Variants in SCGN observed in about 807,000 individuals in gnomAD.
The protein encoded by SCGN is secretagogin.
SCGN carries 30 observed loss-of-function variants against 39.7 expected under a neutral mutation model. That is an observed-to-expected ratio of 0.76 (90% CI 0.57 to 1.03). The LOEUF is 1.03. SCGN is among the 50% of genes least tolerant of loss of function. The probability of loss-of-function intolerance (pLI) is 0.00; values close to 1 mark genes in which losing one functional copy is unlikely to be tolerated. For missense variants in SCGN, 353 were observed against 349.4 expected, an observed-to-expected ratio of 1.01 and a Z score of -0.08; for synonymous variants, 106 against 114.1, an observed-to-expected ratio of 0.93 and a Z score of 0.45.
At position 25,669,555 on chromosome 6, in the gene SCGN, T is replaced by C. The variant is rs149172182; in HGVS notation, c.381T>C (p.Ala127=). The change falls in exon 5 of 11, where the codon GCT becomes GCC. Residue 127 remains alanine (A), a synonymous_variant. Coordinates refer to ENST00000377961, the MANE Select transcript of SCGN (RefSeq NM_006998.4). The part of the protein sequence containing the change: ...YDADSSGFIS[A]AELRNFLRDL... The stretch of plus-strand genomic sequence containing the variant: ...CTGACAGCAGTGGCTTTATATCAGC[T>C]GCTGAGCTCCGCGTGAGTGTCACTG... The C allele has an allele frequency of 4.2e-3, 6,830 of 1,613,430 alleles. 29 individuals are homozygous for C. The highest frequency in any genetic ancestry group is 0.014 in the Middle Eastern group (85 of 6,056).
Position 25,652,357 on chromosome 6 carries a change from T to C in SCGN, c.-47T>C. The C allele has an allele frequency of 1.3e-6, 2 of 1,492,298 alleles. No individual in the cohort carries two copies. The highest frequency in any genetic ancestry group is 1.9e-6 in the Non-Finnish European group (2 of 1,069,936). 92.4% of individuals were successfully genotyped at this position (1,492,298 alleles called of 1,614,324 possible). A position where few individuals can be genotyped will look rare whatever the true frequency, so the allele number is the denominator to read the frequency against. Reference sequence around the variant, plus strand: ...TACGGTGAAGGAGTCCTTCCCAAAGTTGTCTAGGTCCTTCCGCGCCGGTGC... The same window carrying C: ...TACGGTGAAGGAGTCCTTCCCAAAGCTGTCTAGGTCCTTCCGCGCCGGTGC... On this transcript the variant is annotated 5_prime_UTR_variant, in exon 1 of 11. Coordinates refer to ENST00000377961, the MANE Select transcript of SCGN (RefSeq NM_006998.4).
intron 2 of SCGN, among the ~76,000 whole-genome samples, chr6:25,659,251 C>T (rs993507334): frequency 6.6e-6 from 1 of 152,162 alleles, no homozygotes; most frequent in African/African-American, 2.4e-5. Context: ...TGCCAGAACC[C>T]ATCCTGAAAA....
At chr6:25,687,993 TCTC>T in intron 7 of SCGN, among the ~76,000 whole-genome samples, 1 of 152,226 alleles carries the variant, frequency 6.6e-6, no homozygotes. Flanking sequence ...CAAATGCCTT[TCTC>T]CTCCTTTCTG....
intron 7 of SCGN, 86 bp downstream of exon 7, chr6:25,682,092 G>T: frequency 2.0e-6 from 2 of 1,002,178 alleles, no homozygotes; most frequent in Non-Finnish European, 3.1e-6. Flanking sequence ...TGAGACTGGA[G>T]ATCAAGCCTC....
chr6:25,666,534 A>G (rs1218868984), intron 4 of SCGN, among the ~76,000 whole-genome samples: 1 of 152,248 alleles, frequency 6.6e-6, no homozygotes, highest in Non-Finnish European at 1.5e-5. Context: ...TATTCATATA[A>G]TTCATTCATT....
rs199980701 is a variant in SCGN at position 25,657,699 on chromosome 6, ATG to A, written c.154-3842_154-3841del. 7.1e-3 allele frequency among the ~76,000 whole-genome samples: 1,062 copies of A among 148,670 alleles called. 11 individuals are homozygous for A. The highest frequency in any genetic ancestry group is 0.024 in the African/African-American group (973 of 40,726). On this transcript the variant is annotated intron_variant, in intron 2 of 10. Coordinates refer to ENST00000377961, the MANE Select transcript of SCGN (RefSeq NM_006998.4). ...ATATTACGTGTATATATATATGTGTATGTGTGTGTGTGCATATATATATGATT... is the reference window on the plus strand; with the variant it reads ...ATATTACGTGTATATATATATGTGTATGTGTGTGTGCATATATATATGATT...
intron 6 of SCGN, 85 bp from the exon 7 acceptor site, chr6:25,681,866 A>G: frequency 8.6e-7 from 1 of 1,166,874 alleles, no homozygotes. Context: ...ATATGTAATC[A>G]GAAGAGCAAA....
chr6:25,673,376 A>G (rs540089207), intron 6 of SCGN, among the ~76,000 whole-genome samples: 1 of 152,346 alleles, frequency 6.6e-6, no homozygotes, highest in South Asian at 2.1e-4. Context: ...AAGATGATGC[A>G]CATCACACAT....
In SCGN at chr6:25,670,068, G is replaced by A. The variant is rs760026421; in HGVS notation, c.463G>A (p.Gly155Ser). 6.2e-7 allele frequency: 1 copy of A among 1,610,172 alleles called. No individual in the cohort carries two copies. Among genetic ancestry groups the A allele is most frequent in the South Asian group, 1.1e-5 (1 of 91,006 alleles). The change falls in exon 6 of 11, where the codon GGC (glycine) becomes AGC (serine). Residue 155 changes from glycine to serine, a missense_variant. Physicochemically the swap from Gly to Ser is moderately conservative, Grantham distance 56. Transcript: ENST00000377961. ...TGAGGCTAAACTGGAAGAATACACT[G>A]GCACCATGGTAAGTAATGAGTAATG... ...ISEAKLEEYTGTMMKIFDRNK... is the reference protein window; with the variant it reads ...ISEAKLEEYTSTMMKIFDRNK...
At chr6:25,683,609 T>C (rs1395611888) in intron 7 of SCGN, among the ~76,000 whole-genome samples, 1 of 150,576 alleles carries the variant, frequency 6.6e-6, no homozygotes, top group Non-Finnish European at 1.5e-5. Flanking sequence ...CAGTTAATGA[T>C]AAAATAATGC....
chr6:25,661,584 G>A lies in SCGN; in HGVS notation c.186G>A (p.Val62=). 1.9e-6 allele frequency: 3 copies of A among 1,613,726 alleles called. No homozygotes were observed. The highest frequency in any genetic ancestry group is 2.5e-6 in the Non-Finnish European group (3 of 1,179,730). ...DTVMKANLHK[V]KQQFMTTQDA... ...TCATGAAAGCAAATTTGCACAAGGTGAAACAGCAGTTTATGACTACCCAAG... is the reference window on the plus strand; with the variant it reads ...TCATGAAAGCAAATTTGCACAAGGTAAAACAGCAGTTTATGACTACCCAAG... The change falls in exon 3 of 11, where the codon GTG becomes GTA. Residue 62 remains valine (V), a synonymous_variant. Transcript: ENST00000377961.
chr6:25,658,205 A>G (rs1398053722), intron 2 of SCGN, among the ~76,000 whole-genome samples: 1 of 150,776 alleles, frequency 6.6e-6, no homozygotes, highest in African/African-American at 2.4e-5. Context: ...ACGGATGGCT[A>G]ATTTTTTGTA....
chr6:25,674,271 T>G (rs1055531995), intron 6 of SCGN, among the ~76,000 whole-genome samples: 1 of 152,180 alleles, frequency 6.6e-6, no homozygotes, highest in Non-Finnish European at 1.5e-5. Context: ...CACCCAAAGA[T>G]TTGAGTTTGA....
intron 2 of SCGN, among the ~76,000 whole-genome samples, chr6:25,654,357 G>T (rs1303717487): frequency 6.6e-6 from 1 of 152,182 alleles, no homozygotes; most frequent in East Asian, 1.9e-4. Flanking sequence ...GAAACAAAAG[G>T]GCTGGCTTCC....
chr6:25,657,902 C>T (rs1760256175), intron 2 of SCGN, among the ~76,000 whole-genome samples: 7 of 149,694 alleles, frequency 4.7e-5, no homozygotes, highest in Admixed American at 4.7e-4. Context: ...ACAAATGATA[C>T]AGGCATTATC....
intron 10 of SCGN, among the ~76,000 whole-genome samples, chr6:25,700,113 C>T (rs919126168): frequency 5.9e-5 from 9 of 151,652 alleles, no homozygotes; most frequent in East Asian, 5.8e-4. Flanking sequence ...GGCATGATGG[C>T]GGGTGACTGT....
intron 7 of SCGN, among the ~76,000 whole-genome samples, chr6:25,683,652 A>G (rs992487026): frequency 3.3e-5 from 5 of 152,242 alleles, no homozygotes; most frequent in Admixed American, 1.3e-4. Flanking sequence ...GCATACAATC[A>G]TAGTGAAGAT....
chr6:25,663,435 A>G (rs1317015860), intron 3 of SCGN, among the ~76,000 whole-genome samples: 1 of 152,202 alleles, frequency 6.6e-6, no homozygotes, highest in Non-Finnish European at 1.5e-5. Flanking sequence ...CAATTTTATC[A>G]TCTTTACCAA....
chr6:25,661,156 G>A (rs1477862878), intron 2 of SCGN, among the ~76,000 whole-genome samples: 1 of 152,206 alleles, frequency 6.6e-6, no homozygotes, highest in Non-Finnish European at 1.5e-5. Context: ...GGGCCCAGAA[G>A]AACTGGACTT....
Sources: allele counts gnomAD v4.1 joint callset (sites outside exome capture counted in the v4.1 genomes callset), GRCh38; gene constraint gnomAD v4.1.1; transcripts MANE v1.5; gene names NCBI Gene and HGNC (gene_info 2026-07-23, HGNC 2026-07-21).